Variants in SLC9C1 observed in about 807,000 individuals in gnomAD.
The protein encoded by SLC9C1 is solute carrier family 9 member C1, also known as sodium/hydrogen exchanger 10.
In SLC9C1, 97 loss-of-function variants were observed where a neutral mutation model predicts 140.9. The observed-to-expected ratio is 0.69, with a 90% CI of 0.58 to 0.82. The LOEUF (loss-of-function observed/expected upper bound fraction) is 0.82, where lower values mean the gene tolerates loss of function less well. Among genes scored for constraint, SLC9C1 ranks in the 40% least tolerant of loss-of-function variants. SLC9C1 has a pLI of 0.00. For missense variants in SLC9C1, 1,340 were observed against 1,389.3 expected (o/e 0.96, Z 0.56); for synonymous variants, 440 against 442.6 (o/e 0.99, Z 0.07).
intron 1 of SLC9C1, among the ~76,000 whole-genome samples, chr3:112,287,093 A>C (rs1369300044): frequency 6.6e-6 from 1 of 152,216 alleles, no homozygotes. Context: ...GTTTACTTAC[A>C]ATGCCAAGCA....
At chr3:112,153,001 C>T (rs925764661) in intron 27 of SLC9C1, among the ~76,000 whole-genome samples, 7 of 152,118 alleles carry the variant, frequency 4.6e-5, no homozygotes, top group African/African-American at 1.4e-4. Flanking sequence ...TTCCCCCACA[C>T]CTTTGGTGGA....
At chr3:112,231,279 T>C (rs1207843296) in intron 13 of SLC9C1, 82 bp downstream of exon 13, 1 of 1,522,764 alleles carries the variant, frequency 6.6e-7, no homozygotes, top group Non-Finnish European at 9.0e-7. Context: ...TAAGTGAGCA[T>C]GATCAAGATG....
At chr3:112,217,376 A>G in intron 15 of SLC9C1, 66 bp downstream of exon 15, 1 of 1,496,236 alleles carries the variant, frequency 6.7e-7, no homozygotes, top group Non-Finnish European at 8.9e-7. Flanking sequence ...ATACCATTTT[A>G]AAAGAAAAAA....
chr3:112,158,327 A>G (rs962427393), intron 26 of SLC9C1, among the ~76,000 whole-genome samples: 10 of 152,004 alleles, frequency 6.6e-5, no homozygotes, highest in Non-Finnish European at 1.2e-4. Flanking sequence ...ACATTTATTG[A>G]TTTGCATATG....
intron 26 of SLC9C1, among the ~76,000 whole-genome samples, chr3:112,166,306 A>G (rs1415711117): frequency 6.6e-6 from 1 of 152,176 alleles, no homozygotes; most frequent in Non-Finnish European, 1.5e-5. Context: ...CTCCCCAGTG[A>G]GATGAACCCG....
At chr3:112,212,930 GA>G (rs1257992781) in intron 15 of SLC9C1, among the ~76,000 whole-genome samples, 4 of 152,104 alleles carry the variant, frequency 2.6e-5, no homozygotes, top group Non-Finnish European at 5.9e-5. Flanking sequence ...TGAAATGAAG[GA>G]AAAAATGTAA....
chr3:112,203,635 AAG>A (rs2077966003), intron 17 of SLC9C1, among the ~76,000 whole-genome samples: 1 of 152,022 alleles, frequency 6.6e-6, no homozygotes, highest in South Asian at 2.1e-4. Flanking sequence ...AAAGATAGGA[AAG>A]AGAGAGTATA....
In SLC9C1 at chr3:112,217,521, G is replaced by C; in HGVS notation, c.1711C>G (p.Gln571Glu). The C allele has an allele frequency of 8.7e-6, 14 of 1,607,578 alleles. No individual in the cohort carries two copies. The highest frequency in any genetic ancestry group is 1.2e-5 in the Non-Finnish European group (14 of 1,177,554). Reference protein sequence around the residue: ...LDTIKNYSESQKTVTFARKLL... With the variant: ...LDTIKNYSESEKTVTFARKLL... ...TTTCTAGCAAAGGTAACTGTTTTTT[G>C]GCTTTCAGAATAATTCTTTATTGTA... is the stretch of plus-strand genomic sequence containing the variant. Residue 571 changes from glutamine to glutamate, a missense_variant, in exon 15 of 29, where the codon CAA becomes GAA. Gln to Glu is a conservative substitution (Grantham distance 29, BLOSUM62 2). Transcript: ENST00000305815.
rs376671899 is a variant in SLC9C1, at chr3:112,159,238, T to G, written c.3365-4189A>C. On this transcript the variant is annotated intron_variant, in intron 26 of 28. Coordinates refer to ENST00000305815, the MANE Select transcript of SLC9C1 (RefSeq NM_183061.3). ...CAATAAATTAAAAAAAATGTTTCCT[T>G]TAATTTCTAAATTGACCCATTGGTC... Among the ~76,000 whole-genome samples the G allele has an allele frequency of 5.9e-5, 9 of 151,990 alleles. No individual in the cohort carries two copies. In the East Asian group the frequency reaches 9.6e-4, roughly 16 times the overall value.
At chr3:112,260,536 G>C (rs11714145) in intron 10 of SLC9C1, among the ~76,000 whole-genome samples, 44,670 of 151,912 alleles carry the variant, frequency 0.29, 6,745 homozygotes, top group East Asian at 0.35. Flanking sequence ...ACATTCTTGA[G>C]AGTCTTGATT....
chr3:112,233,698 T>C (rs1166721164), intron 12 of SLC9C1, among the ~76,000 whole-genome samples: 3 of 149,838 alleles, frequency 2.0e-5, no homozygotes, highest in Non-Finnish European at 4.4e-5. Context: ...TTCTCATTGT[T>C]CAATTCCCAC....
chr3:112,169,912 G>A (rs940057927), intron 23 of SLC9C1, among the ~76,000 whole-genome samples: 1 of 151,876 alleles, frequency 6.6e-6, no homozygotes, highest in African/African-American at 2.4e-5. Context: ...TCCATAAATG[G>A]TATTGGGAAA....
At chr3:112,182,008 T>C in intron 21 of SLC9C1, 125 bp downstream of exon 21, 1 of 855,236 alleles carries the variant, frequency 1.2e-6, no homozygotes, top group Middle Eastern at 3.9e-4. Context: ...ATTTTGATTT[T>C]ATCCTATCAG....
intron 12 of SLC9C1, 106 bp from the exon 13 acceptor site, chr3:112,231,592 CA>C (rs2108172459): frequency 9.3e-7 from 1 of 1,078,058 alleles, no homozygotes; most frequent in East Asian, 2.6e-5. Context: ...AAAATGGTAG[CA>C]AATCTGGTAG....
intron 26 of SLC9C1, among the ~76,000 whole-genome samples, chr3:112,166,835 G>A (rs1038683173): frequency 1.3e-5 from 2 of 152,028 alleles, no homozygotes; most frequent in Non-Finnish European, 2.9e-5. Flanking sequence ...ATTAAAATCT[G>A]TAAGAAGAAT....
At chr3:112,186,800 C>G (rs2077549383) in intron 20 of SLC9C1, among the ~76,000 whole-genome samples, 1 of 152,160 alleles carries the variant, frequency 6.6e-6, no homozygotes, top group Non-Finnish European at 1.5e-5. Flanking sequence ...TTATCCACAC[C>G]TACACAGTCG....
intron 26 of SLC9C1, among the ~76,000 whole-genome samples, chr3:112,165,218 C>G (rs1479737252): frequency 6.6e-6 from 1 of 152,158 alleles, no homozygotes; most frequent in Non-Finnish European, 1.5e-5. Context: ...TGGGTTCGAA[C>G]TTCCTCCTTT....
intron 15 of SLC9C1, among the ~76,000 whole-genome samples, chr3:112,210,669 G>A (rs2078176930): frequency 6.6e-6 from 1 of 152,134 alleles, no homozygotes; most frequent in African/African-American, 2.4e-5. Flanking sequence ...CAATTAAAAA[G>A]AGAATACTAT....
chr3:112,152,279 A>G (rs954917856), intron 27 of SLC9C1, among the ~76,000 whole-genome samples: 2 of 152,070 alleles, frequency 1.3e-5, no homozygotes, highest in Non-Finnish European at 2.9e-5. Context: ...CATGTGAGCA[A>G]AGGACTTTGT....
Sources: allele counts gnomAD v4.1 joint callset (sites outside exome capture counted in the v4.1 genomes callset), GRCh38; gene constraint gnomAD v4.1.1; transcripts MANE v1.5; gene names NCBI Gene and HGNC (gene_info 2026-07-23, HGNC 2026-07-21).